The following TYW1 variants were observed in gnomAD, a reference collection of about 807,000 sequenced individuals.
The protein encoded by TYW1 is S-adenosyl-L-methionine-dependent tRNA 4-demethylwyosine synthase TYW1.
Under a neutral mutation model 96.2 loss-of-function variants are expected in TYW1, and 46 were observed. The ratio of observed to expected loss-of-function variants is 0.48; its 90% CI spans 0.38 to 0.61. The LOEUF is 0.61. Ranked by LOEUF, TYW1 falls within the 20% of genes least tolerant of loss-of-function variation. The pLI is 0.00. For missense variants in TYW1, 684 were observed against 909.6 expected, an observed-to-expected ratio of 0.75 and a Z score of 3.19; for synonymous variants, 274 against 323.0, an observed-to-expected ratio of 0.85 and a Z score of 1.63.
intron 11 of TYW1, among the ~76,000 whole-genome samples, chr7:67,097,366 A>G (rs1249693897): frequency 6.6e-6 from 1 of 152,192 alleles, no homozygotes; most frequent in African/African-American, 2.4e-5. Flanking sequence ...CACTCTGATG[A>G]AACAGACTCT....
At chr7:67,054,792 C>G (rs1041367858) in intron 8 of TYW1, among the ~76,000 whole-genome samples, 2 of 152,168 alleles carry the variant, frequency 1.3e-5, no homozygotes, top group African/African-American at 4.8e-5. Flanking sequence ...TGAATGCTTT[C>G]TGAAATCAGA....
At chr7:66,999,695 A>G (rs917552627) in intron 3 of TYW1, among the ~76,000 whole-genome samples, 1 of 152,118 alleles carries the variant, frequency 6.6e-6, no homozygotes, top group African/African-American at 2.4e-5. Context: ...TTTGATTTCT[A>G]ATAGTGCTAA....
chr7:67,084,550 G>A (rs1232347915), intron 11 of TYW1, among the ~76,000 whole-genome samples: 7 of 148,846 alleles, frequency 4.7e-5, no homozygotes, highest in East Asian at 3.9e-4. Flanking sequence ...ACCAGATCTC[G>A]CTCTGTCACC....
intron 13 of TYW1, among the ~76,000 whole-genome samples, chr7:67,130,996 C>A (rs1798054897): frequency 6.6e-6 from 1 of 152,160 alleles, no homozygotes. Flanking sequence ...AAGCCCTTAA[C>A]ACGGTGACTG....
intron 7 of TYW1, among the ~76,000 whole-genome samples, chr7:67,044,526 T>A (rs1464417606): frequency 6.6e-6 from 1 of 152,228 alleles, no homozygotes; most frequent in Non-Finnish European, 1.5e-5. Context: ...AACCAACATT[T>A]ACTGAAGGCC....
intron 13 of TYW1, among the ~76,000 whole-genome samples, chr7:67,129,673 G>A (rs778985413): frequency 3.3e-5 from 5 of 152,152 alleles, no homozygotes; most frequent in Admixed American, 6.5e-5. Flanking sequence ...CTTTCTTGCT[G>A]CATTGGAAAC....
At chr7:67,070,992 G>A (rs746063780) in intron 10 of TYW1, among the ~76,000 whole-genome samples, 5 of 151,996 alleles carry the variant, frequency 3.3e-5, no homozygotes, top group South Asian at 2.1e-4. Flanking sequence ...TTAGCCGGGC[G>A]TGGTGGTGGG....
rs544595212 is a variant in TYW1, at chr7:67,099,028, A to T, written c.1562+310A>T. 2.0e-3 allele frequency among the ~76,000 whole-genome samples: 272 copies of T among 135,118 alleles called. 5 individuals carry two copies. The Middle Eastern group carries it at 0.051, about 25-fold the overall frequency. The allele number at this position is 135,118 out of a possible 152,430, so 88.6% of individuals were successfully genotyped here. A position where few individuals can be genotyped will look rare whatever the true frequency, so the allele number is the denominator to read the frequency against. On this transcript the variant is annotated intron_variant, in intron 12 of 15. Coordinates refer to ENST00000359626, the MANE Select transcript of TYW1 (RefSeq NM_018264.4). ...CTGTCATTTATTTTATTTTATTATT[A>T]TTATTTTTTTTTTTTGAGTCGGAGT...
intron 3 of TYW1, among the ~76,000 whole-genome samples, chr7:67,001,738 G>A (rs1223633521): frequency 1.3e-5 from 2 of 150,052 alleles, no homozygotes; most frequent in Non-Finnish European, 3.0e-5. Flanking sequence ...TATTTTTTAA[G>A]AGACAAGGTC....
At chr7:67,237,798 T>C (rs533100132) in intron 15 of TYW1, among the ~76,000 whole-genome samples, 1 of 152,294 alleles carries the variant, frequency 6.6e-6, no homozygotes, top group South Asian at 2.1e-4. Context: ...AATGAGATAT[T>C]GTATCCACGT....
chr7:67,164,173 C>T (rs1370242220), intron 13 of TYW1, among the ~76,000 whole-genome samples: 2 of 151,722 alleles, frequency 1.3e-5, no homozygotes, highest in African/African-American at 2.4e-5. Context: ...TTATTAATGC[C>T]ATGCTGCGTT....
At chr7:67,091,356 C>T (rs13229560) in intron 11 of TYW1, among the ~76,000 whole-genome samples, 3 of 136,188 alleles carry the variant, frequency 2.2e-5, no homozygotes, top group South Asian at 4.4e-4. Flanking sequence ...TAGGTGGGAA[C>T]TGAACAATGA....
In TYW1 at chr7:67,093,312, G is replaced by A. The variant is rs548897681; in HGVS notation, c.1385-5229G>A. Among the ~76,000 whole-genome samples, 9 of 152,340 alleles carry A rather than the reference G, an allele frequency of 5.9e-5. No homozygotes were observed. The East Asian group carries it at 1.5e-3, about 26-fold the overall frequency. On this transcript the variant is annotated intron_variant, in intron 11 of 15. Transcript: ENST00000359626. Reference sequence around the variant, plus strand: ...ATTTCATTTAATTGTTATAATAGCTGTATGTGTGTGTGTAAAATCTCCATT... The same window carrying A: ...ATTTCATTTAATTGTTATAATAGCTATATGTGTGTGTGTAAAATCTCCATT...
chr7:67,043,034 A>G (rs1214090337), intron 7 of TYW1, among the ~76,000 whole-genome samples: 1 of 151,668 alleles, frequency 6.6e-6, no homozygotes, highest in African/African-American at 2.4e-5. Context: ...ATCAAAATAC[A>G]TACTAGATTA....
chr7:67,130,748 T>C (rs114605196), intron 13 of TYW1, among the ~76,000 whole-genome samples: 198 of 152,274 alleles, frequency 1.3e-3, no homozygotes, highest in African/African-American at 4.7e-3. Context: ...TATTTTTTAA[T>C]ATGGATTTAA....
intron 10 of TYW1, among the ~76,000 whole-genome samples, chr7:67,071,596 G>A (rs1033718755): frequency 1.3e-5 from 2 of 151,366 alleles, no homozygotes; most frequent in African/African-American, 4.9e-5. Flanking sequence ...AGGATTACAG[G>A]TGTGTGCTAC....
At chr7:67,155,829 T>G (rs1798953229) in intron 13 of TYW1, among the ~76,000 whole-genome samples, 1 of 152,220 alleles carries the variant, frequency 6.6e-6, no homozygotes, top group Non-Finnish European at 1.5e-5. Context: ...ACACCTGGTT[T>G]AATGGTCACT....
At chr7:67,087,458 G>A (rs13309490) in intron 11 of TYW1, among the ~76,000 whole-genome samples, 1 of 152,174 alleles carries the variant, frequency 6.6e-6, no homozygotes, top group Admixed American at 6.5e-5. Flanking sequence ...CTATGGATGC[G>A]TGAATCCTGA....
At chr7:67,040,954 G>A (rs1391372221) in intron 7 of TYW1, among the ~76,000 whole-genome samples, 1 of 152,130 alleles carries the variant, frequency 6.6e-6, no homozygotes, top group African/African-American at 2.4e-5. Context: ...GCCATTAGAG[G>A]GCACTGGAGA....
Sources: allele counts gnomAD v4.1 joint callset (sites outside exome capture counted in the v4.1 genomes callset), GRCh38; gene constraint gnomAD v4.1.1; transcripts MANE v1.5; gene names NCBI Gene and HGNC (gene_info 2026-07-23, HGNC 2026-07-21).